Variants in RFX7 observed in about 807,000 individuals in gnomAD.
RFX7 encodes the protein DNA-binding protein RFX7.
RFX7 carries 26 observed loss-of-function variants against 111.8 expected under a neutral mutation model. That is an observed-to-expected ratio of 0.23 (90% CI 0.17 to 0.32). The LOEUF is 0.32. RFX7 is among the 10% of genes least tolerant of loss of function. RFX7 has a pLI of 1.00. For synonymous variants in RFX7, 624 were observed against 624.4 expected, an observed-to-expected ratio of 1.00 and a Z score of 0.01; for missense variants, 1,573 against 1,772.9, an observed-to-expected ratio of 0.89 and a Z score of 2.02.
intron 5 of RFX7, among the ~76,000 whole-genome samples, chr15:56,111,575 C>G (rs2140941001): frequency 6.6e-6 from 1 of 150,580 alleles, no homozygotes; most frequent in Non-Finnish European, 1.5e-5. Flanking sequence ...TATCTGCTGA[C>G]CTTCCCTCCA....
chr15:56,234,573 ACTTACATTAACTAAAGCAT>A (rs1485802947), intron 2 of RFX7, among the ~76,000 whole-genome samples: 1 of 152,220 alleles, frequency 6.6e-6, no homozygotes, highest in Non-Finnish European at 1.5e-5. Flanking sequence ...GAAGTGATTC[ACTTACATTAACTAAAGCAT>A]CTTGTTGGAA....
chr15:56,093,974 C>T lies in RFX7; in HGVS notation c.3754G>A (p.Val1252Ile). 6.2e-7 allele frequency: 1 copy of T among 1,613,934 alleles called. No homozygotes were observed. The highest frequency in any genetic ancestry group is 2.2e-5 in the East Asian group (1 of 44,874). Residue 1252 changes from valine (V) to isoleucine (I), a missense_variant, in exon 10 of 10, where the codon GTT becomes ATT. Around this residue, in one of 7 missense-constraint regions of RFX7, gnomAD observed 411 missense variants for 478.1 expected, o/e 0.86. Transcript: ENST00000559447. ...KQANSKKITN[V>I]LLSKLDSDND... is the part of the protein sequence containing the mutation. ...TCGGAATCAAGTTTACTCAACAAAACATTGGTTATTTTTTTACTGTTTGCT... is the reference window on the plus strand; with the variant it reads ...TCGGAATCAAGTTTACTCAACAAAATATTGGTTATTTTTTTACTGTTTGCT...
chr15:56,152,531 T>A (rs2042585675), intron 3 of RFX7, among the ~76,000 whole-genome samples: 1 of 152,046 alleles, frequency 6.6e-6, no homozygotes, highest in South Asian at 2.1e-4. Flanking sequence ...CATACCAGAA[T>A]CTCTGGGACA....
intron 3 of RFX7, among the ~76,000 whole-genome samples, chr15:56,165,212 G>A (rs192038575): frequency 1.3e-5 from 2 of 152,296 alleles, no homozygotes; most frequent in African/African-American, 2.4e-5. Context: ...ACTGCTGTGT[G>A]GCCCGGTTCC....
intron 2 of RFX7, among the ~76,000 whole-genome samples, chr15:56,197,427 G>A (rs922056454): frequency 6.6e-6 from 1 of 152,024 alleles, no homozygotes; most frequent in Non-Finnish European, 1.5e-5. Flanking sequence ...TCCTTACCGT[G>A]AGCTCCCAAA....
intron 5 of RFX7, among the ~76,000 whole-genome samples, chr15:56,115,937 C>T (rs1366358523): frequency 1.2e-4 from 17 of 142,362 alleles, no homozygotes; most frequent in South Asian, 2.4e-4. Context: ...AGCGAGACTC[C>T]GTCTCAAAAA....
chr15:56,120,338 T>C lies in RFX7; in HGVS notation c.402-16668A>G, dbSNP rs575910290. 3.9e-5 allele frequency among the ~76,000 whole-genome samples: 6 copies of C among 152,370 alleles called. No homozygotes were observed. The South Asian group carries it at 8.3e-4, about 21-fold the overall frequency. ...AATAGGAATGCTACTGATTTTTGTA[T>C]GTTGATATTGTATCCTGCAACTTTA... On this transcript the variant is annotated intron_variant, in intron 5 of 9. Transcript: ENST00000559447.
intron 5 of RFX7, among the ~76,000 whole-genome samples, chr15:56,115,733 T>C (rs1209439977): frequency 1.3e-5 from 2 of 151,932 alleles, no homozygotes; most frequent in Non-Finnish European, 2.9e-5. Flanking sequence ...GATCAGGAGA[T>C]TGAGACCATC....
In RFX7 at chr15:56,093,709, C is replaced by T. The variant is rs2041628992; in HGVS notation, c.4019G>A (p.Gly1340Glu). 1 of 1,613,576 alleles carries T rather than the reference C, an allele frequency of 6.2e-7. No individual in the cohort carries two copies. The highest frequency in any genetic ancestry group is 8.5e-7 in the Non-Finnish European group (1 of 1,179,696). ...GCTATTGAAATCTAATTGTTGCTCTCCAATTTCTGATTGTGCTTGATTATC... is the reference window on the plus strand; with the variant it reads ...GCTATTGAAATCTAATTGTTGCTCTTCAATTTCTGATTGTGCTTGATTATC... The part of the protein sequence containing the change: ...PGDNQAQSEI[G>E]EQQLDFNSTV... Residue 1340 changes from glycine (G) to glutamate (E), a missense_variant, in exon 10 of 10, where the codon GGA becomes GAA. This residue lies in a region of RFX7 where 411 missense variants were observed against 478.1 expected (regional missense o/e 0.86). Transcript: ENST00000559447.
intron 5 of RFX7, among the ~76,000 whole-genome samples, chr15:56,110,406 TC>T (rs1450100034): frequency 1.3e-5 from 1 of 78,556 alleles, no homozygotes; most frequent in Admixed American, 1.4e-4. Context: ...AGCCGCCCCG[TC>T]CGGGGGAGGG....
intron 2 of RFX7, among the ~76,000 whole-genome samples, chr15:56,236,713 C>T (rs117686171): frequency 2.6e-5 from 4 of 152,264 alleles, no homozygotes; most frequent in Non-Finnish European, 4.4e-5. Context: ...TACAATATGA[C>T]ATTCACTGCC....
At position 56,142,882 on chromosome 15, in the gene RFX7, T is replaced by G; in HGVS notation, c.297A>C (p.Ser99=). The G allele has an allele frequency of 6.2e-7, 1 of 1,613,636 alleles. No individual in the cohort carries two copies. The highest frequency in any genetic ancestry group is 1.3e-5 in the African/African-American group (1 of 75,044). ...NGEKSDQNAM[S]SSRAQQMHAF... is the part of the protein sequence containing the mutation. ...CATGCATTTGTTGTGCCCGACTAGA[T>G]GACATGGCATTCTGATCACTAATAG... Residue 99 remains serine (S), a synonymous_variant, in exon 5 of 10, where the codon TCA becomes TCC. Coordinates refer to ENST00000559447, the MANE Select transcript of RFX7 (RefSeq NM_022841.7).
chr15:56,127,818 TTAC>T (rs2042164565), intron 5 of RFX7, among the ~76,000 whole-genome samples: 2 of 151,684 alleles, frequency 1.3e-5, no homozygotes, highest in Admixed American at 6.6e-5. Context: ...AGTGCTGGGA[TTAC>T]AGGCGTGAGC....
intron 5 of RFX7, among the ~76,000 whole-genome samples, chr15:56,132,996 G>A (rs969430125): frequency 6.6e-6 from 1 of 151,990 alleles, no homozygotes; most frequent in Non-Finnish European, 1.5e-5. Context: ...ATTAAAGAAG[G>A]CATTAGAAAA....
Position 56,096,589 on chromosome 15 carries a change from G to C in RFX7, c.1139C>G (p.Pro380Arg), listed in dbSNP as rs773275578. ...VQRTRQLVTSPSPMSSSDGKV... is the reference protein window; with the variant it reads ...VQRTRQLVTSRSPMSSSDGKV... ...GCCGTCAGAAGAACTCATTGGACTC[G>C]GTGAAGTTACCAATTGCCTAGTCCG... The change falls in exon 10 of 10, where the codon CCG becomes CGG. Residue 380 changes from proline to arginine, a missense_variant. Physicochemically the swap from Pro to Arg is moderately radical, Grantham distance 103. Transcript: ENST00000559447. The C allele has an allele frequency of 5.0e-6, 8 of 1,591,636 alleles. No individual in the cohort carries two copies. The highest frequency in any genetic ancestry group is 1.8e-5 in the Admixed American group (1 of 56,516).
intron 7 of RFX7, 122 bp from the exon 8 acceptor site, chr15:56,101,688 G>A: frequency 1.1e-6 from 1 of 901,552 alleles, no homozygotes; most frequent in South Asian, 1.8e-5. Flanking sequence ...AAAGTAGTAT[G>A]AATTGACCCA....
At chr15:56,168,045 G>A (rs1423566833) in intron 3 of RFX7, among the ~76,000 whole-genome samples, 1 of 152,138 alleles carries the variant, frequency 6.6e-6, no homozygotes, top group Non-Finnish European at 1.5e-5. Flanking sequence ...GCATGATATA[G>A]CATAGTTTTT....
rs541962593 is a variant in RFX7, at chr15:56,188,334, T to C, written c.162-9031A>G. On this transcript the variant is annotated intron_variant, in intron 2 of 9. Transcript: ENST00000559447. ...AGTGCAATATCAAGTGGTCTAACTA[T>C]GTACAATGGGAGAGGAGAGATAATG... Among the ~76,000 whole-genome samples the C allele has an allele frequency of 5.3e-5, 8 of 152,222 alleles. No homozygotes were observed. The South Asian group carries it at 1.2e-3, about 24-fold the overall frequency.
In RFX7 at chr15:56,220,513, G is replaced by A. The variant is rs57861892; in HGVS notation, c.161+22612C>T. ...TCTCAAAGTGTTGGGATTACAGCGGGAGCCACCGCACCTAGCCAAATGTTT... is the reference window on the plus strand; with the variant it reads ...TCTCAAAGTGTTGGGATTACAGCGGAAGCCACCGCACCTAGCCAAATGTTT... On this transcript the variant is annotated intron_variant, in intron 2 of 9. Coordinates refer to ENST00000559447, the MANE Select transcript of RFX7 (RefSeq NM_022841.7). Among the ~76,000 whole-genome samples, 1,163 of 151,858 alleles carry A rather than the reference G, an allele frequency of 7.7e-3. 14 individuals carry two copies. The highest frequency in any genetic ancestry group is 0.027 in the African/African-American group (1,129 of 41,482).
Sources: gnomAD v4.1 joint callset for allele counts (sites outside exome capture counted in the v4.1 genomes callset) on GRCh38, gnomAD v4.1.1 for gene constraint, gnomAD v4.1.1 regional missense constraint, MANE v1.5 for transcripts, NCBI Gene and HGNC (gene_info 2026-07-23, HGNC 2026-07-21) for gene names.